The following TNC variants were observed in gnomAD, a reference collection of about 807,000 sequenced individuals.
TNC encodes tenascin C.
Under a neutral mutation model 202.4 loss-of-function variants are expected in TNC, and 109 were observed. The ratio of observed to expected loss-of-function variants is 0.54; its 90% CI spans 0.46 to 0.63. The LOEUF (loss-of-function observed/expected upper bound fraction) is 0.63, where lower values mean the gene tolerates loss of function less well. Among genes scored for constraint, TNC ranks in the 30% least tolerant of loss-of-function variants. The pLI, the probability that TNC is intolerant of heterozygous loss-of-function variation, is 0.00. For missense variants in TNC, 2,756 were observed against 2,833.3 expected, an observed-to-expected ratio of 0.97 and a Z score of 0.62; for synonymous variants, 1,007 against 1,089.7, an observed-to-expected ratio of 0.92 and a Z score of 1.50.
intron 1 of TNC, among the ~76,000 whole-genome samples, chr9:115,114,514 T>C (rs1443749481): frequency 6.6e-6 from 1 of 152,196 alleles, no homozygotes; most frequent in Non-Finnish European, 1.5e-5. Context: ...AATTTGAACT[T>C]TCCTGTTTCC....
intron 1 of TNC, among the ~76,000 whole-genome samples, chr9:115,109,015 T>C (rs914325417): frequency 3.5e-4 from 53 of 152,188 alleles, no homozygotes; most frequent in African/African-American, 1.3e-3. Context: ...TGTATTGCTT[T>C]CTATTGTATC....
chr9:115,109,385 C>T (rs1030891078), intron 1 of TNC, among the ~76,000 whole-genome samples: 1 of 152,196 alleles, frequency 6.6e-6, no homozygotes, highest in Admixed American at 6.5e-5. Flanking sequence ...CTTAAAGAAG[C>T]TAAGTAACTT....
chr9:115,038,278 G>C lies in TNC; in HGVS notation c.5495C>G (p.Ser1832Cys), dbSNP rs1830480407. 6.2e-7 allele frequency: 1 copy of C among 1,613,788 alleles called. No individual in the cohort carries two copies. The highest frequency in any genetic ancestry group is 1.7e-5 in the Admixed American group (1 of 59,988). Residue 1832 changes from serine (S) to cysteine (C), a missense_variant, in exon 20 of 28, where the codon TCC becomes TGC. Physicochemically the swap from Ser to Cys is moderately radical, Grantham distance 112. Transcript: ENST00000350763. ...AIATVDSYVI[S>C]YTGEKVPEIT... Reference sequence around the variant, plus strand: ...AACCTTACCTTTCTCGCCTGTGTAGGAGATGACATAACTGTCCACAGTGGC... The same window carrying C: ...AACCTTACCTTTCTCGCCTGTGTAGCAGATGACATAACTGTCCACAGTGGC...
At chr9:115,039,156 T>C (rs945461373) in intron 19 of TNC, among the ~76,000 whole-genome samples, 1 of 152,180 alleles carries the variant, frequency 6.6e-6, no homozygotes, top group African/African-American at 2.4e-5. Context: ...CTTTGAGTGG[T>C]ATTTCTCCTT....
chr9:115,054,646 G>T (rs750194744), intron 15 of TNC, among the ~76,000 whole-genome samples: 13 of 152,186 alleles, frequency 8.5e-5, no homozygotes, highest in Non-Finnish European at 1.6e-4. Flanking sequence ...AAAAAACAGA[G>T]AAAGATAGTG....
chr9:115,064,114 A>C lies in TNC; in HGVS notation c.3488-46T>G, dbSNP rs550991079. ...AGTTTAGTGATCAAATCACACAACAAGATCCAGGGAATCTTTAACACAAGA... is the reference window on the plus strand; with the variant it reads ...AGTTTAGTGATCAAATCACACAACACGATCCAGGGAATCTTTAACACAAGA... On this transcript the variant is annotated intron_variant, in intron 11 of 27. Coordinates refer to ENST00000350763, the MANE Select transcript of TNC (RefSeq NM_002160.4). 25 of 1,519,962 alleles carry C rather than the reference A, an allele frequency of 1.6e-5. No individual in the cohort carries two copies. In the Admixed American group the frequency reaches 4.7e-4, roughly 29 times the overall value. 94.2% of individuals were successfully genotyped at this position (1,519,962 alleles called of 1,614,324 possible).
At chr9:115,114,316 G>A (rs558129464) in intron 1 of TNC, among the ~76,000 whole-genome samples, 40 of 152,186 alleles carry the variant, frequency 2.6e-4, no homozygotes, top group African/African-American at 8.9e-4. Context: ...TTTGTGGCTC[G>A]GAGCCTACAA....
chr9:115,113,692 C>A (rs989937759), intron 1 of TNC, among the ~76,000 whole-genome samples: 1 of 152,186 alleles, frequency 6.6e-6, no homozygotes, highest in Non-Finnish European at 1.5e-5. Context: ...CATGAAGGAC[C>A]TATGAACTTC....
At chr9:115,030,913 G>A (rs566903550) in intron 23 of TNC, among the ~76,000 whole-genome samples, 3 of 152,342 alleles carry the variant, frequency 2.0e-5, no homozygotes, top group African/African-American at 7.2e-5. Context: ...ACAGGTGCAG[G>A]GGGAGGCTCC....
chr9:115,112,273 C>T (rs568080342), intron 1 of TNC, among the ~76,000 whole-genome samples: 61 of 152,302 alleles, frequency 4.0e-4, no homozygotes, highest in Admixed American at 6.5e-4. Context: ...TCTTTCCCTT[C>T]TCTATGTCTC....
At chr9:115,053,625 A>G (rs1220997383) in intron 15 of TNC, among the ~76,000 whole-genome samples, 1 of 152,198 alleles carries the variant, frequency 6.6e-6, no homozygotes, top group Non-Finnish European at 1.5e-5. Flanking sequence ...TGTTCCATTG[A>G]ACATGTTTTA....
intron 17 of TNC, 121 bp from the exon 18 acceptor site, chr9:115,042,462 C>G: frequency 7.4e-7 from 1 of 1,349,348 alleles, no homozygotes; most frequent in Non-Finnish European, 1.0e-6. Flanking sequence ...TGAGCCAAGC[C>G]TTTAGGATGG....
At chr9:115,066,305 A>G (rs527533239) in intron 10 of TNC, among the ~76,000 whole-genome samples, 6 of 152,230 alleles carry the variant, frequency 3.9e-5, no homozygotes, top group Non-Finnish European at 8.8e-5. Flanking sequence ...GAAGGAAAGT[A>G]TTTCTCTGGA....
intron 10 of TNC, among the ~76,000 whole-genome samples, chr9:115,068,280 A>G (rs1374817696): frequency 6.6e-6 from 1 of 152,228 alleles, no homozygotes. Context: ...GAACAATGTC[A>G]GTGGGCCTGG....
chr9:115,046,681 T>C lies in TNC; in HGVS notation c.4854A>G (p.Glu1618=). Residue 1618 remains glutamate, a splice_region_variant and synonymous_variant, in exon 17 of 28, where the codon GAA becomes GAG. Coordinates refer to ENST00000350763, the MANE Select transcript of TNC (RefSeq NM_002160.4). The part of the protein sequence containing the change: ...TKPLRAEIVT[E]AEPEVDNLLV... ...GAAGGTTGTCAACTTCCGGTTCGGC[T>C]TCTAGAGGGAGAGAAAATGGTGGGA... 1 of 1,611,882 alleles carries C rather than the reference T, an allele frequency of 6.2e-7. No individual in the cohort carries two copies. The highest frequency in any genetic ancestry group is 8.5e-7 in the Non-Finnish European group (1 of 1,179,248).
At chr9:115,114,607 A>G (rs1225455507) in intron 1 of TNC, among the ~76,000 whole-genome samples, 1 of 152,214 alleles carries the variant, frequency 6.6e-6, no homozygotes, top group East Asian at 1.9e-4. Flanking sequence ...TGTAAAATCA[A>G]TAGGCACCAA....
At chr9:115,077,817 G>T (rs532027688) in intron 7 of TNC, 126 bp downstream of exon 7, 60 of 975,002 alleles carry the variant, frequency 6.2e-5, no homozygotes, top group Non-Finnish European at 8.4e-5. Context: ...AAATTTACAG[G>T]AGTAGAAATA....
intron 15 of TNC, among the ~76,000 whole-genome samples, chr9:115,054,624 A>G: frequency 6.6e-6 from 1 of 152,216 alleles, no homozygotes; most frequent in Non-Finnish European, 1.5e-5. Flanking sequence ...AAGCTGAGAA[A>G]TGAGATGCAA....
rs1285971191 is a variant in TNC at position 115,048,519 on chromosome 9, A to G, written c.4593T>C (p.Leu1531=). The part of the protein sequence containing the change: ...SATATTEALP[L]LENLTISDIN... ...TGTCGGAAATGGTTAGGTTTTCCAG[A>G]AGGGGCAGGGCCTCTGAAAGAAGGG... is the stretch of plus-strand genomic sequence containing the variant. Residue 1531 remains leucine (L), a synonymous_variant, in exon 16 of 28, where the codon CTT becomes CTC. Transcript: ENST00000350763. 9 of 1,612,710 alleles carry G rather than the reference A, an allele frequency of 5.6e-6. No homozygotes were observed. Among genetic ancestry groups the G allele is most frequent in the Non-Finnish European group, 7.6e-6 (9 of 1,179,730 alleles).
Sources: allele counts gnomAD v4.1 joint callset (sites outside exome capture counted in the v4.1 genomes callset), GRCh38; gene constraint gnomAD v4.1.1; transcripts MANE v1.5; gene names NCBI Gene and HGNC (gene_info 2026-07-23, HGNC 2026-07-21).